GRXCR2: variants seen among roughly 807,000 people sequenced by gnomAD.
The protein encoded by GRXCR2 is glutaredoxin domain-containing cysteine-rich protein 2.
A neutral mutation model predicts 24.8 loss-of-function variants in GRXCR2; 23 were observed. That is an observed-to-expected ratio of 0.93 (90% confidence interval 0.67 to 1.32). GRXCR2 has a LOEUF of 1.32. GRXCR2 is among the 40% of genes most tolerant of loss of function. GRXCR2 has a pLI of 0.00. For synonymous variants in GRXCR2, 130 were observed against 116.1 expected (o/e 1.12, Z -0.77); for missense variants, 315 against 303.4 (o/e 1.04, Z -0.28).
intron 2 of GRXCR2, among the ~76,000 whole-genome samples, chr5:145,894,948 G>A (rs954629255): frequency 7.9e-5 from 12 of 152,062 alleles, no homozygotes; most frequent in African/African-American, 2.2e-4. Context: ...TGATCAAGTC[G>A]TCTTCATCCC....
intron 2 of GRXCR2, among the ~76,000 whole-genome samples, chr5:145,910,948 C>G (rs1369356485): frequency 6.6e-6 from 1 of 151,884 alleles, no homozygotes; most frequent in Non-Finnish European, 1.5e-5. Flanking sequence ...AGTTAAATTT[C>G]TTGCCCAAGA....
At chr5:145,929,113 A>G (rs1052640466) in intron 2 of GRXCR2, among the ~76,000 whole-genome samples, 1 of 149,794 alleles carries the variant, frequency 6.7e-6, no homozygotes, top group Non-Finnish European at 1.5e-5. Context: ...CATATAACTT[A>G]AGTTTCAATA....
At position 145,866,495 on chromosome 5, in the gene GRXCR2, A is replaced by T. The variant is rs546249529; in HGVS notation, c.564+6T>A. The T allele has an allele frequency of 6.8e-6, 11 of 1,609,532 alleles. No individual in the cohort carries two copies. The highest frequency in any genetic ancestry group is 9.4e-6 in the Non-Finnish European group (11 of 1,176,028). ...CCGAGCAGGACAGTCAAGCTCCCCA[A>T]CGCACCTGTGTATACCGGTTTTGGG... On this transcript the variant is annotated splice_donor_region_variant and intron_variant, in intron 2 of 2. Transcript: ENST00000377976.
chr5:145,923,346 G>GA (rs200941515), intron 2 of GRXCR2, among the ~76,000 whole-genome samples: 2,238 of 152,244 alleles, frequency 0.015, 62 homozygotes, highest in African/African-American at 0.051. Context: ...GAGCCTGCAA[G>GA]AAAAAATGCA....
intron 2 of GRXCR2, among the ~76,000 whole-genome samples, chr5:145,928,053 C>T (rs1355465864): frequency 6.6e-6 from 1 of 151,762 alleles, no homozygotes; most frequent in African/African-American, 2.4e-5. Context: ...AACAAATTTA[C>T]AAGAAAAAAA....
chr5:145,884,851 G>C (rs1371112161), intron 2 of GRXCR2, among the ~76,000 whole-genome samples: 1 of 152,070 alleles, frequency 6.6e-6, no homozygotes, highest in Non-Finnish European at 1.5e-5. Flanking sequence ...CTTTTTAGGA[G>C]TAGAATTTAT....
chr5:145,891,501 C>T (rs886708904), intron 2 of GRXCR2, among the ~76,000 whole-genome samples: 4 of 152,190 alleles, frequency 2.6e-5, no homozygotes, highest in East Asian at 1.9e-4. Context: ...GTGCCTGGCT[C>T]GGAGGGTCCT....
At chr5:145,863,607 A>T (rs1756376928) in intron 2 of GRXCR2, among the ~76,000 whole-genome samples, 1 of 152,188 alleles carries the variant, frequency 6.6e-6, no homozygotes, top group South Asian at 2.1e-4. Context: ...TATAGTGGGA[A>T]GGTAGCGCTT....
intron 2 of GRXCR2, among the ~76,000 whole-genome samples, chr5:145,921,319 G>T (rs1757318067): frequency 6.6e-6 from 1 of 152,124 alleles, no homozygotes; most frequent in Non-Finnish European, 1.5e-5. Context: ...GGAAACCAAG[G>T]GTGAATGCAC....
intron 2 of GRXCR2, among the ~76,000 whole-genome samples, chr5:145,878,406 G>A (rs755854601): frequency 5.3e-5 from 8 of 152,174 alleles, no homozygotes; most frequent in Admixed American, 1.3e-4. Flanking sequence ...ACATGCACAA[G>A]CTTCAATACT....
intron 2 of GRXCR2, among the ~76,000 whole-genome samples, chr5:145,862,140 A>C (rs1275201723): frequency 6.6e-6 from 1 of 152,218 alleles, no homozygotes; most frequent in Non-Finnish European, 1.5e-5. Context: ...CATCCCAGTG[A>C]GATTTTAATA....
intron 2 of GRXCR2, among the ~76,000 whole-genome samples, chr5:145,888,379 C>T (rs1298575200): frequency 6.6e-6 from 1 of 152,010 alleles, no homozygotes; most frequent in Non-Finnish European, 1.5e-5. Context: ...CACGGTGGAG[C>T]GTAGAAAAAT....
chr5:145,926,360 T>G lies in GRXCR2; in HGVS notation c.-70+9341A>C, dbSNP rs1757395011. Among the ~76,000 whole-genome samples the G allele has an allele frequency of 2.0e-5, 3 of 152,300 alleles. No individual in the cohort carries two copies. In the South Asian group the frequency reaches 6.2e-4, roughly 32 times the overall value. On this transcript the variant is annotated intron_variant, in intron 2 of 3. Coordinates refer to the GRXCR2 transcript ENST00000639411. ...ATGATTTAAGCATTTTTAATATCTTTTAAAAATGTATTACACTTTAATCCA... is the reference window on the plus strand; with the variant it reads ...ATGATTTAAGCATTTTTAATATCTTGTAAAAATGTATTACACTTTAATCCA...
Position 145,861,175 on chromosome 5 carries a change from ACT to A in GRXCR2, c.565-1262_565-1261del, listed in dbSNP as rs563011166. Among the ~76,000 whole-genome samples, 514 of 152,218 alleles carry A rather than the reference ACT, an allele frequency of 3.4e-3. 6 individuals are homozygous for A. Among genetic ancestry groups the A allele is most frequent in the African/African-American group, 0.012 (486 of 41,528 alleles). The stretch of plus-strand genomic sequence containing the variant: ...CAATTGCCCACTGACTCTGGCATGA[ACT>A]GAGTGTGGACCCATGCCTCTGGTCT... On this transcript the variant is annotated intron_variant, in intron 2 of 2. Transcript: ENST00000377976.
chr5:145,867,059 A>G (rs952389620), intron 1 of GRXCR2, among the ~76,000 whole-genome samples: 17 of 152,202 alleles, frequency 1.1e-4, no homozygotes, highest in African/African-American at 3.4e-4. Context: ...AGTGTTTAAT[A>G]AATACAGAGG....
intron 1 of GRXCR2, among the ~76,000 whole-genome samples, chr5:145,868,081 T>C (rs906310815): frequency 6.6e-6 from 1 of 152,190 alleles, no homozygotes; most frequent in African/African-American, 2.4e-5. Context: ...CTGAGGCTAA[T>C]TATATCAACT....
chr5:145,890,179 C>T (rs1201634449), intron 2 of GRXCR2, among the ~76,000 whole-genome samples: 1 of 152,186 alleles, frequency 6.6e-6, no homozygotes, highest in Admixed American at 6.5e-5. Context: ...ACCTCTGCCT[C>T]CCAGGTTCAA....
At chr5:145,876,191 G>GTATATATATATATATA (rs748811333), upstream of GRXCR2, among the ~76,000 whole-genome samples, 182 of 105,182 alleles carry the variant, frequency 1.7e-3, no homozygotes, top group Non-Finnish European at 2.2e-3. Context: ...GTGTGTGTGT[G>GTATATATATATATATA]TATATATATA....
intron 2 of GRXCR2, among the ~76,000 whole-genome samples, chr5:145,905,545 G>C (rs1236499040): frequency 6.6e-5 from 10 of 152,134 alleles, no homozygotes; most frequent in Admixed American, 6.5e-4. Flanking sequence ...GTCCAATAGA[G>C]GAAATTGGTA....
Sources: gnomAD v4.1 joint callset for allele counts (sites outside exome capture counted in the v4.1 genomes callset) on GRCh38, gnomAD v4.1.1 for gene constraint, MANE v1.5 for transcripts, NCBI Gene and HGNC (gene_info 2026-07-23, HGNC 2026-07-21) for gene names.